The following VAPB variants were observed in gnomAD, a reference collection of about 807,000 sequenced individuals.
VAPB encodes VAMP associated protein B and C.
VAPB carries 7 observed loss-of-function variants against 25.6 expected under a neutral mutation model. The observed-to-expected ratio is 0.27, with a 90% CI of 0.16 to 0.51. The LOEUF (loss-of-function observed/expected upper bound fraction) is 0.51, where lower values mean the gene tolerates loss of function less well. Among genes scored for constraint, VAPB ranks in the 20% least tolerant of loss-of-function variants. The pLI, the probability that VAPB is intolerant of heterozygous loss-of-function variation, is 0.97. For missense variants in VAPB, 266 were observed against 301.3 expected (o/e 0.88, Z 0.87); for synonymous variants, 112 against 109.2 (o/e 1.03, Z -0.16).
rs531123255 is a variant in VAPB, at chr20:58,421,782, C to T, written c.211+3419C>T. On this transcript the variant is annotated intron_variant, in intron 2 of 5. Transcript: ENST00000475243. The stretch of plus-strand genomic sequence containing the variant: ...ATGATGTCTGCCCATGGAGCTGGCA[C>T]CTGTGCTGGCCAGAGGGATCAAGGT... 2.1e-3 allele frequency among the ~76,000 whole-genome samples: 313 copies of T among 152,230 alleles called. 1 individual carries two copies. The highest frequency in any genetic ancestry group is 3.4e-3 in the Middle Eastern group (1 of 294).
rs868403184 is a variant in VAPB, at chr20:58,405,197, A to G, written c.59-13014A>G. On this transcript the variant is annotated intron_variant, in intron 1 of 5. Transcript: ENST00000475243. ...CTGAGGAGGTGATATTTGAACTGAG[A>G]CCTATATAAAATGAGTGTATGAACT... Among the ~76,000 whole-genome samples, 43 of 152,270 alleles carry G rather than the reference A, an allele frequency of 2.8e-4. 1 individual carries two copies. The highest frequency in any genetic ancestry group is 2.4e-3 in the Admixed American group (36 of 15,302).
At chr20:58,435,062 T>C (rs1459778303) in intron 3 of VAPB, among the ~76,000 whole-genome samples, 1 of 152,164 alleles carries the variant, frequency 6.6e-6, no homozygotes, top group Non-Finnish European at 1.5e-5. Context: ...CCCGCCTTTT[T>C]CTTACTTGTC....
chr20:58,389,691 G>T (rs1292693928), intron 1 of VAPB, among the ~76,000 whole-genome samples, 174 bp downstream of exon 1: 1 of 152,132 alleles, frequency 6.6e-6, no homozygotes, highest in Admixed American at 6.5e-5. Context: ...AGAACTGCCC[G>T]GAGTGGCCGG....
At chr20:58,399,336 C>G (rs572716448) in intron 1 of VAPB, among the ~76,000 whole-genome samples, 1 of 151,428 alleles carries the variant, frequency 6.6e-6, no homozygotes, top group Admixed American at 6.6e-5. Context: ...AGAAAAAGTG[C>G]CTTATTATAA....
At chr20:58,441,364 G>C (rs969849643) in intron 5 of VAPB, among the ~76,000 whole-genome samples, 1 of 151,918 alleles carries the variant, frequency 6.6e-6, no homozygotes, top group African/African-American at 2.4e-5. Flanking sequence ...AAACTTGGCC[G>C]GGTGCGGTGG....
intron 2 of VAPB, among the ~76,000 whole-genome samples, chr20:58,424,510 C>T (rs764453131): frequency 2.6e-5 from 4 of 151,946 alleles, no homozygotes; most frequent in Non-Finnish European, 5.9e-5. Context: ...ACACAGCTTG[C>T]AGGTTTCATT....
In VAPB at chr20:58,445,563, A is replaced by AT. The variant is rs1568722801; in HGVS notation, c.*1332dup. ...CCCCAAAATTAAGAATTCTTTTGTC[A>AT]TTTTGTCACATTTGCTCTATGGGGG... is the stretch of plus-strand genomic sequence containing the variant. On this transcript the variant is annotated 3_prime_UTR_variant, in exon 6 of 6. Coordinates refer to ENST00000475243, the MANE Select transcript of VAPB (RefSeq NM_004738.5). 2 of 454,176 alleles carry AT rather than the reference A, an allele frequency of 4.4e-6. No individual in the cohort carries two copies. Among genetic ancestry groups the AT allele is most frequent in the South Asian group, 3.1e-5 (2 of 64,394 alleles). The allele number at this position is 454,176 out of a possible 1,614,324, so 28.1% of individuals were successfully genotyped here.
rs1989301801 is a variant in VAPB at position 58,446,723 on chromosome 20, G to A, written c.*2488G>A. On this transcript the variant is annotated 3_prime_UTR_variant, in exon 6 of 6. Transcript: ENST00000475243. ...TGGTGAACATGTTTGTGGGCCTTTT[G>A]ACTGAGTGGCAGAAGGAAACTGCTC... 2.2e-6 allele frequency: 1 copy of A among 454,070 alleles called. No homozygotes were observed. Among genetic ancestry groups the A allele is most frequent in the African/African-American group, 2.0e-5 (1 of 50,112 alleles). The allele number at this position is 454,070 out of a possible 1,614,324, so 28.1% of individuals were successfully genotyped here. A position where few individuals can be genotyped will look rare whatever the true frequency, so the allele number is the denominator to read the frequency against.
chr20:58,390,692 G>A (rs959470832), intron 1 of VAPB, among the ~76,000 whole-genome samples: 3 of 152,196 alleles, frequency 2.0e-5, no homozygotes, highest in Non-Finnish European at 2.9e-5. Context: ...CACAGTAGAT[G>A]CTCAGTTGGT....
intron 1 of VAPB, among the ~76,000 whole-genome samples, chr20:58,406,007 C>G (rs982411011): frequency 7.2e-5 from 11 of 152,110 alleles, no homozygotes; most frequent in Admixed American, 2.0e-4. Flanking sequence ...GGAAGAGAGA[C>G]TGCTTTTGGC....
intron 1 of VAPB, among the ~76,000 whole-genome samples, chr20:58,410,637 G>A (rs767855677): frequency 2.0e-5 from 3 of 151,332 alleles, no homozygotes; most frequent in Non-Finnish European, 4.4e-5. Context: ...GGCTGGTCTC[G>A]AACTCCTGAT....
At chr20:58,436,327 CTTTTT>C (rs57100987) in intron 3 of VAPB, among the ~76,000 whole-genome samples, 1 of 114,966 alleles carries the variant, frequency 8.7e-6, no homozygotes, top group Admixed American at 1.1e-4. Context: ...GTTTTTCTTC[CTTTTT>C]TTTTTTTTTT....
At chr20:58,439,262 C>G in intron 4 of VAPB, 1 of 524,874 alleles carries the variant, frequency 1.9e-6, no homozygotes, top group Non-Finnish European at 3.4e-6. Flanking sequence ...AGCCCGATGG[C>G]CATTGAGATG....
chr20:58,440,944 C>T lies in VAPB; in HGVS notation c.434C>T (p.Ala145Val), dbSNP rs925000894. The change falls in exon 5 of 6, where the codon GCA (alanine) becomes GTA (valine). Residue 145 changes from alanine to valine, a missense_variant. Ala to Val is a moderately conservative substitution (Grantham distance 64). Around this residue, in one of 3 missense-constraint regions of VAPB, gnomAD observed 136 missense variants for 130.7 expected, o/e 1.04. Coordinates refer to ENST00000475243, the MANE Select transcript of VAPB (RefSeq NM_004738.5). Reference sequence around the variant, plus strand: ...ATAAATAAAATTATATCCACAACTGCATCAAAGACAGAAACACCAATAGTG... The same window carrying T: ...ATAAATAAAATTATATCCACAACTGTATCAAAGACAGAAACACCAATAGTG... ...VEINKIISTT[A>V]SKTETPIVSK... 5.6e-6 allele frequency: 9 copies of T among 1,613,952 alleles called. No homozygotes were observed. Among genetic ancestry groups the T allele is most frequent in the Non-Finnish European group, 7.6e-6 (9 of 1,179,942 alleles).
In VAPB at chr20:58,444,403, A is replaced by G. The variant is rs1193071002; in HGVS notation, c.*168A>G. The G allele has an allele frequency of 1.1e-6, 1 of 906,980 alleles. No individual in the cohort carries two copies. Among genetic ancestry groups the G allele is most frequent in the African/African-American group, 1.6e-5 (1 of 61,012 alleles). 56.2% of individuals were successfully genotyped at this position (906,980 alleles called of 1,614,324 possible). ...CACATACACAGATACACACACACAAATATAATGTAACGATCTTTTAGAAAG... is the reference window on the plus strand; with the variant it reads ...CACATACACAGATACACACACACAAGTATAATGTAACGATCTTTTAGAAAG... On this transcript the variant is annotated 3_prime_UTR_variant, in exon 6 of 6. Transcript: ENST00000475243.
chr20:58,415,452 T>A lies in VAPB; in HGVS notation c.59-2759T>A, dbSNP rs1451093709. On this transcript the variant is annotated intron_variant, in intron 1 of 5. Coordinates refer to ENST00000475243, the MANE Select transcript of VAPB (RefSeq NM_004738.5). Reference sequence around the variant, plus strand: ...GTATTGCCAGTTTCTCCCAAATTCATGTTTTTTCACTTTTTTAACCTCCCA... The same window carrying A: ...GTATTGCCAGTTTCTCCCAAATTCAAGTTTTTTCACTTTTTTAACCTCCCA... Among the ~76,000 whole-genome samples the A allele has an allele frequency of 2.0e-5, 3 of 152,254 alleles. No homozygotes were observed. In the East Asian group the frequency reaches 5.8e-4, roughly 29 times the overall value.
chr20:58,429,469 A>G (rs1199051332), intron 2 of VAPB, among the ~76,000 whole-genome samples: 3 of 152,120 alleles, frequency 2.0e-5, no homozygotes, highest in South Asian at 2.1e-4. Flanking sequence ...CCATGTCTAC[A>G]CTGTGGTGAC....
Position 58,448,203 on chromosome 20 carries a change from C to G in VAPB, c.*3968C>G. 2 of 454,026 alleles carry G rather than the reference C, an allele frequency of 4.4e-6. No homozygotes were observed. The highest frequency in any genetic ancestry group is 3.1e-5 in the South Asian group (2 of 64,474). The allele number at this position is 454,026 out of a possible 1,614,324, so 28.1% of individuals were successfully genotyped here. Reference sequence around the variant, plus strand: ...CTGCAAAGTATATAGATGGATGACTCTAGTTCATGACATACAAATCCCATA... The same window carrying G: ...CTGCAAAGTATATAGATGGATGACTGTAGTTCATGACATACAAATCCCATA... On this transcript the variant is annotated 3_prime_UTR_variant, in exon 6 of 6. Transcript: ENST00000475243.
rs554651872 is a variant in VAPB at position 58,420,025 on chromosome 20, G to A, written c.211+1662G>A. Among the ~76,000 whole-genome samples the A allele has an allele frequency of 5.6e-4, 85 of 151,682 alleles. 1 individual carries two copies. The South Asian group carries it at 0.013, about 23-fold the overall frequency. ...TTTTTTGAGACAGTCTCACTTTGTCGCCCAGGCTGGAGTGCAGTGGCGCGA... is the reference window on the plus strand; with the variant it reads ...TTTTTTGAGACAGTCTCACTTTGTCACCCAGGCTGGAGTGCAGTGGCGCGA... On this transcript the variant is annotated intron_variant, in intron 2 of 5. Coordinates refer to ENST00000475243, the MANE Select transcript of VAPB (RefSeq NM_004738.5).
Sources: allele counts gnomAD v4.1 joint callset (sites outside exome capture counted in the v4.1 genomes callset), GRCh38; gene constraint gnomAD v4.1.1; regional missense constraint gnomAD v4.1.1; transcripts MANE v1.5; gene names NCBI Gene and HGNC (gene_info 2026-07-23, HGNC 2026-07-21).